The following SHPRH variants were observed in gnomAD, a reference collection of about 807,000 sequenced individuals.
SHPRH encodes the protein SNF2 histone linker PHD RING helicase.
In SHPRH, 106 loss-of-function variants were observed where a neutral mutation model predicts 202.5. The observed-to-expected ratio is 0.52, with a 90% CI of 0.45 to 0.62. SHPRH has a LOEUF of 0.62. Among genes scored for constraint, SHPRH ranks in the 20% least tolerant of loss-of-function variants. The probability of loss-of-function intolerance (pLI) is 0.00; values close to 1 mark genes in which losing one functional copy is unlikely to be tolerated. For synonymous variants in SHPRH, 729 were observed against 686.0 expected, an observed-to-expected ratio of 1.06 and a Z score of -0.98; for missense variants, 1,710 against 2,020.0, an observed-to-expected ratio of 0.85 and a Z score of 2.94.
chr6:145,956,439 C>A (rs896112965), intron 1 of SHPRH, among the ~76,000 whole-genome samples: 1 of 152,022 alleles, frequency 6.6e-6, no homozygotes, highest in Admixed American at 6.6e-5. Context: ...AGACACTGCT[C>A]CCACCCCACA....
chr6:145,906,348 C>T (rs1782955825), intron 25 of SHPRH: 1 of 152,152 alleles, frequency 6.6e-6, no homozygotes, highest in African/African-American at 2.4e-5. Context: ...TTTTCTTCTC[C>T]ACCTCACTTG....
At chr6:145,951,834 T>G (rs1196642779) in intron 3 of SHPRH, 3 of 456,026 alleles carry the variant, frequency 6.6e-6, no homozygotes, top group Non-Finnish European at 1.3e-5. Context: ...TCCAGTAGTG[T>G]TGATGAGCTG....
intron 2 of SHPRH, among the ~76,000 whole-genome samples, chr6:145,867,409 T>C (rs1243301387): frequency 3.3e-5 from 5 of 151,312 alleles, no homozygotes; most frequent in African/African-American, 1.2e-4. Context: ...AAGCAAAGAA[T>C]TTGAGATGGG....
chr6:145,963,048 T>A (rs1183080727), intron 1 of SHPRH, among the ~76,000 whole-genome samples: 1 of 152,232 alleles, frequency 6.6e-6, no homozygotes, highest in East Asian at 1.9e-4. Context: ...ACAAAGAGGA[T>A]ATACAAGAGC....
intron 13 of SHPRH, among the ~76,000 whole-genome samples, chr6:145,934,643 A>C (rs1212694687): frequency 3.3e-5 from 5 of 151,648 alleles, no homozygotes; most frequent in African/African-American, 1.2e-4. Flanking sequence ...CCAGCCTGGG[A>C]AAGAGTGAGA....
intron 28 of SHPRH, among the ~76,000 whole-genome samples, 193 bp downstream of exon 28, chr6:145,893,022 C>T (rs567413660): frequency 2.2e-4 from 33 of 151,652 alleles, no homozygotes; most frequent in African/African-American, 7.0e-4. Context: ...GGTTGGAAAT[C>T]TCATGCCTTT....
chr6:145,904,066 T>C (rs980053173), intron 25 of SHPRH: 1 of 152,102 alleles, frequency 6.6e-6, no homozygotes, highest in African/African-American at 2.4e-5. Flanking sequence ...ATTCCTTACA[T>C]TGTAAAATCT....
downstream of SHPRH, among the ~76,000 whole-genome samples, chr6:145,863,052 T>C (rs555414178): frequency 6.6e-6 from 1 of 152,218 alleles, no homozygotes; most frequent in Non-Finnish European, 1.5e-5. Context: ...AATCTAAGGA[T>C]ATCATGTATT....
intron 28 of SHPRH, among the ~76,000 whole-genome samples, chr6:145,888,823 A>C (rs1781336645): frequency 6.6e-6 from 1 of 152,152 alleles, no homozygotes; most frequent in Admixed American, 6.6e-5. Context: ...GTGTCAGTGG[A>C]GATAGCAGTC....
At chr6:145,946,534 T>A (rs62434265) in intron 6 of SHPRH, among the ~76,000 whole-genome samples, 193 bp from the exon 7 acceptor site, 13 of 152,140 alleles carry the variant, frequency 8.5e-5, no homozygotes, top group Admixed American at 5.2e-4. Context: ...CTTAAAAAAT[T>A]GTGCATATTA....
chr6:145,902,829 T>C (rs1782619836), intron 25 of SHPRH, among the ~76,000 whole-genome samples: 1 of 152,066 alleles, frequency 6.6e-6, no homozygotes. Flanking sequence ...TCATACAAAA[T>C]AGTGAATAAA....
rs1195493375 is a variant in SHPRH at position 145,941,896 on chromosome 6, C to A, written c.2239-22G>T. 3.1e-6 allele frequency: 5 copies of A among 1,607,116 alleles called. No homozygotes were observed. In the Middle Eastern group the frequency reaches 5.1e-4, roughly 163 times the overall value. ...ATACCTAGGAAATAATCAATACAGGCAGTTATTGCAAAAAGGCTCACTAAA... is the reference window on the plus strand; with the variant it reads ...ATACCTAGGAAATAATCAATACAGGAAGTTATTGCAAAAAGGCTCACTAAA... On this transcript the variant is annotated intron_variant, in intron 9 of 29. Transcript: ENST00000275233.
chr6:145,936,481 C>A (rs765949626), intron 11 of SHPRH, among the ~76,000 whole-genome samples: 12 of 152,036 alleles, frequency 7.9e-5, no homozygotes, highest in Non-Finnish European at 8.8e-5. Context: ...TGTGTGCCAC[C>A]ATGCCTGGCT....
At chr6:145,962,625 T>C (rs1190391027) in intron 1 of SHPRH, among the ~76,000 whole-genome samples, 3 of 152,212 alleles carry the variant, frequency 2.0e-5, no homozygotes, top group Non-Finnish European at 2.9e-5. Context: ...TCACATTTTT[T>C]CCCTCCAAAA....
chr6:145,941,177 A>C (rs1300465851), intron 10 of SHPRH, among the ~76,000 whole-genome samples: 1 of 152,200 alleles, frequency 6.6e-6, no homozygotes, highest in Non-Finnish European at 1.5e-5. Flanking sequence ...AACAGAATAA[A>C]GACATATGAC....
rs1785946939 is a variant in SHPRH, at chr6:145,935,265, T to G, written c.2733+13A>C. The G allele has an allele frequency of 6.2e-7, 1 of 1,613,336 alleles. No homozygotes were observed. Among genetic ancestry groups the G allele is most frequent in the Non-Finnish European group, 8.5e-7 (1 of 1,179,858 alleles). On this transcript the variant is annotated intron_variant, in intron 12 of 29. Transcript: ENST00000275233. ...TTATAGTACCTTTATCAATAAAAAC[T>G]TATTGTACTGACTTGGTCAATCACA...
chr6:145,900,737 T>C (rs944344072), intron 25 of SHPRH, among the ~76,000 whole-genome samples: 2 of 152,154 alleles, frequency 1.3e-5, no homozygotes, highest in Non-Finnish European at 2.9e-5. Flanking sequence ...TCCTTCTGTA[T>C]ACTTTAAAAT....
At chr6:145,875,619 G>A (rs1051082661) in intron 2 of SHPRH, among the ~76,000 whole-genome samples, 2 of 152,206 alleles carry the variant, frequency 1.3e-5, no homozygotes, top group African/African-American at 4.8e-5. Flanking sequence ...TTCTTTATTA[G>A]AAGTTAGCAA....
chr6:145,912,900 T>A (rs1245091281), intron 24 of SHPRH, among the ~76,000 whole-genome samples: 1 of 152,104 alleles, frequency 6.6e-6, no homozygotes, highest in East Asian at 1.9e-4. Flanking sequence ...TGTATTTTCA[T>A]AAATTGCAGT....
Sources: gnomAD v4.1 joint callset for allele counts (sites outside exome capture counted in the v4.1 genomes callset) on GRCh38, gnomAD v4.1.1 for gene constraint, MANE v1.5 for transcripts, NCBI Gene and HGNC (gene_info 2026-07-23, HGNC 2026-07-21) for gene names.